ZNF705G: variants seen among roughly 807,000 people sequenced by gnomAD.
The protein encoded by ZNF705G is putative zinc finger protein 705G.
ZNF705G carries 23 observed loss-of-function variants against 19.6 expected under a neutral mutation model. That is an observed-to-expected ratio of 1.17 (90% confidence interval 0.84 to 1.66). The LOEUF (loss-of-function observed/expected upper bound fraction) is 1.66. Ranked by LOEUF, ZNF705G falls within the 40% of genes most tolerant of loss-of-function variation. The probability of loss-of-function intolerance (pLI) is 0.00; values close to 1 mark genes in which losing one functional copy is unlikely to be tolerated. For missense variants in ZNF705G, 457 were observed against 354.4 expected, an observed-to-expected ratio of 1.29 and a Z score of -2.32; for synonymous variants, 146 against 117.7, an observed-to-expected ratio of 1.24 and a Z score of -1.56.
At chr8:7,376,506 G>A (rs2698892) in intron 2 of ZNF705G, among the ~76,000 whole-genome samples, 34,672 of 103,206 alleles carry the variant, frequency 0.34, 2,557 homozygotes, top group South Asian at 0.4. Context: ...TTCAAACTCA[G>A]TACCTCAGAG....
At chr8:7,383,035 T>A (rs1423194174) in intron 1 of ZNF705G, among the ~76,000 whole-genome samples, 1 of 148,658 alleles carries the variant, frequency 6.7e-6, no homozygotes, top group Non-Finnish European at 1.5e-5. Context: ...ACTTGGTTTT[T>A]TGGAAAACCA....
chr8:7,370,567 C>T (rs375419254), intron 2 of ZNF705G, among the ~76,000 whole-genome samples: 326 of 145,716 alleles, frequency 2.2e-3, no homozygotes, highest in East Asian at 0.017. Context: ...ATAAAACTAC[C>T]TGCTGATGAG....
chr8:7,360,170 T>C (rs1806506990), intron 5 of ZNF705G, 67 bp downstream of exon 5: 5 of 1,510,688 alleles, frequency 3.3e-6, no homozygotes, highest in Admixed American at 1.7e-5. Context: ...CACTAATTAA[T>C]ATTCAACTGA....
chr8:7,357,660 T>G lies in ZNF705G; in HGVS notation c.*316A>C. 1 of 483,130 alleles carries G rather than the reference T, an allele frequency of 2.1e-6. No homozygotes were observed. The highest frequency in any genetic ancestry group is 4.1e-5 in the East Asian group (1 of 24,134). 29.9% of individuals were successfully genotyped at this position (483,130 alleles called of 1,614,324 possible). A position where few individuals can be genotyped will look rare whatever the true frequency, so the allele number is the denominator to read the frequency against. ...TACATACATGTCATACAATTTCTCT[T>G]CCATATGAATTTATTGATGTGGACT... On this transcript the variant is annotated 3_prime_UTR_variant, in exon 7 of 7. Transcript: ENST00000400156.
intron 2 of ZNF705G, among the ~76,000 whole-genome samples, chr8:7,369,339 C>T (rs1485757518): frequency 6.7e-6 from 1 of 149,518 alleles, no homozygotes; most frequent in Non-Finnish European, 1.5e-5. Context: ...GACTTCATGG[C>T]AAATGTCTAC....
Position 7,384,379 on chromosome 8 carries a change from G to A in ZNF705G, c.-222+1119C>T, listed in dbSNP as rs535973705. Among the ~76,000 whole-genome samples, 231 of 145,604 alleles carry A rather than the reference G, an allele frequency of 1.6e-3. 49 individuals are homozygous for A. The highest frequency in any genetic ancestry group is 5.8e-3 in the African/African-American group (204 of 35,280). ...TGTTTTAACTAGGATCACCACAAGA[G>A]TTTCAACCCCATCAAAAAGTGGGCA... is the stretch of plus-strand genomic sequence containing the variant. On this transcript the variant is annotated intron_variant, in intron 1 of 6. Transcript: ENST00000400156.
In ZNF705G at chr8:7,369,157, T is replaced by C. The variant is rs374597364; in HGVS notation, c.-71-6140A>G. On this transcript the variant is annotated intron_variant, in intron 2 of 6. Coordinates refer to ENST00000400156, the MANE Select transcript of ZNF705G (RefSeq NM_001164457.3). ...AACAGCATGGGAGAAACTGCCCCCA[T>C]GATTCAGTTATCGCCACTGGGTCAC... Among the ~76,000 whole-genome samples, 81 of 149,562 alleles carry C rather than the reference T, an allele frequency of 5.4e-4. No homozygotes were observed. In the South Asian group the frequency reaches 0.016, roughly 29 times the overall value.
At chr8:7,364,061 T>C (rs563847044) in intron 2 of ZNF705G, among the ~76,000 whole-genome samples, 20 of 149,688 alleles carry the variant, frequency 1.3e-4, no homozygotes, top group Non-Finnish European at 2.5e-4. Context: ...GATATTTTAC[T>C]AACGTGGTAT....
intron 3 of ZNF705G, among the ~76,000 whole-genome samples, chr8:7,361,710 T>C (rs1260987477): frequency 6.7e-6 from 1 of 149,628 alleles, no homozygotes; most frequent in Non-Finnish European, 1.5e-5. Context: ...AAAAGACCTA[T>C]GATGTGTTTT....
At chr8:7,362,141 A>T (rs1329955934) in intron 3 of ZNF705G, among the ~76,000 whole-genome samples, 1 of 149,420 alleles carries the variant, frequency 6.7e-6, no homozygotes, top group Non-Finnish European at 1.5e-5. Context: ...TTTTTTTTCT[A>T]ACCAGCCCTT....
intron 4 of ZNF705G, among the ~76,000 whole-genome samples, chr8:7,360,660 A>T (rs963834758): frequency 2.0e-5 from 3 of 149,522 alleles, no homozygotes; most frequent in Non-Finnish European, 4.4e-5. Flanking sequence ...TGTGTTTACT[A>T]TTATTCTCAC....
chr8:7,380,800 A>G (rs1487779272), intron 2 of ZNF705G, among the ~76,000 whole-genome samples: 67 of 145,282 alleles, frequency 4.6e-4, no homozygotes, highest in Admixed American at 2.5e-3. Context: ...GGGGCAGATC[A>G]CCCGAGGTCG....
At chr8:7,383,602 T>A (rs1248253988) in intron 1 of ZNF705G, among the ~76,000 whole-genome samples, 2 of 147,120 alleles carry the variant, frequency 1.4e-5, no homozygotes, top group Non-Finnish European at 2.9e-5. Flanking sequence ...GTCTCCCCAT[T>A]CATCTGTTGA....
At chr8:7,384,654 A>G (rs1020265688) in intron 1 of ZNF705G, among the ~76,000 whole-genome samples, 1 of 145,126 alleles carries the variant, frequency 6.9e-6, no homozygotes, top group African/African-American at 2.9e-5. Context: ...GGCCCATGGA[A>G]TTAGAGGCTG....
chr8:7,370,175 G>C (rs1378141219), intron 2 of ZNF705G, among the ~76,000 whole-genome samples: 8 of 148,080 alleles, frequency 5.4e-5, no homozygotes, highest in African/African-American at 2.1e-4. Context: ...GGAGGCTGAG[G>C]CAGGAGAATG....
intron 2 of ZNF705G, among the ~76,000 whole-genome samples, chr8:7,371,376 T>C (rs942917371): frequency 1.4e-5 from 2 of 142,246 alleles, no homozygotes; most frequent in African/African-American, 5.5e-5. Context: ...AAGTAAGTTC[T>C]GGAGGTCTCG....
At position 7,358,276 on chromosome 8, in the gene ZNF705G, T is replaced by C. The variant is rs745381375; in HGVS notation, c.603A>G (p.Ala201=). ...TGAAGGCTTTTCTACATAGATGACA[T>C]GCATATGGCCTCTCTCCAGTGTGAG... is the stretch of plus-strand genomic sequence containing the variant. The part of the protein sequence containing the change: ...KMTHTGERPY[A]CHLCRKAFTQ... The change falls in exon 7 of 7, where the codon GCA becomes GCG. Residue 201 remains alanine, a synonymous_variant. Coordinates refer to ENST00000400156, the MANE Select transcript of ZNF705G (RefSeq NM_001164457.3). The C allele has an allele frequency of 1.9e-6, 3 of 1,607,686 alleles. No individual in the cohort carries two copies. Among genetic ancestry groups the C allele is most frequent in the Admixed American group, 3.3e-5 (2 of 59,942 alleles).
Position 7,380,090 on chromosome 8 carries a change from G to A in ZNF705G, c.-72+1362C>T, listed in dbSNP as rs1399579516. On this transcript the variant is annotated intron_variant, in intron 2 of 6. Transcript: ENST00000400156. ...ACTGGCAGTGCCATTCACTAGGGAGGCTGCCCCCAGAACAAAGGGAGCTGA... is the reference window on the plus strand; with the variant it reads ...ACTGGCAGTGCCATTCACTAGGGAGACTGCCCCCAGAACAAAGGGAGCTGA... Among the ~76,000 whole-genome samples, 44 of 143,870 alleles carry A rather than the reference G, an allele frequency of 3.1e-4. 3 individuals are homozygous for A. The highest frequency in any genetic ancestry group is 1.3e-3 in the African/African-American group (43 of 34,088). 94.4% of individuals were successfully genotyped at this position (143,870 alleles called of 152,430 possible). A position where few individuals can be genotyped will look rare whatever the true frequency, so the allele number is the denominator to read the frequency against.
chr8:7,359,141 C>A (rs1314154303), intron 6 of ZNF705G, among the ~76,000 whole-genome samples: 1 of 149,444 alleles, frequency 6.7e-6, no homozygotes, highest in South Asian at 2.1e-4. Context: ...TCTCAATATC[C>A]CACCCTTTCC....
Sources: allele counts gnomAD v4.1 joint callset (sites outside exome capture counted in the v4.1 genomes callset), GRCh38; gene constraint gnomAD v4.1.1; transcripts MANE v1.5; gene names NCBI Gene and HGNC (gene_info 2026-07-23, HGNC 2026-07-21).